The following EPSTI1 variants were observed in gnomAD, a reference collection of about 807,000 sequenced individuals.
The protein encoded by EPSTI1 is epithelial-stromal interaction protein 1.
EPSTI1 carries 66 observed loss-of-function variants against 49.9 expected under a neutral mutation model. The observed-to-expected ratio is 1.32, with a 90% CI of 1.08 to 1.62. The LOEUF is 1.62. Among genes scored for constraint, EPSTI1 ranks in the 40% most tolerant of loss-of-function variants. The probability of loss-of-function intolerance (pLI) is 0.00; values close to 1 mark genes in which losing one functional copy is unlikely to be tolerated. For missense variants in EPSTI1, 394 were observed against 365.5 expected (o/e 1.08, Z -0.64); for synonymous variants, 137 against 130.7 (o/e 1.05, Z -0.33).
chr13:42,976,590 TA>T (rs1452269176), intron 1 of EPSTI1, among the ~76,000 whole-genome samples: 4 of 152,194 alleles, frequency 2.6e-5, no homozygotes, highest in Non-Finnish European at 5.9e-5. Flanking sequence ...TTATTATTAA[TA>T]GACTTAGAAT....
chr13:42,910,130 G>A (rs1324014392), intron 8 of EPSTI1, among the ~76,000 whole-genome samples: 4 of 151,260 alleles, frequency 2.6e-5, no homozygotes, highest in Non-Finnish European at 5.9e-5. Flanking sequence ...ATTTTTTTTA[G>A]TTGTTGAACA....
intron 6 of EPSTI1, among the ~76,000 whole-genome samples, chr13:42,943,551 T>C (rs1412961729): frequency 1.3e-5 from 2 of 152,350 alleles, no homozygotes; most frequent in East Asian, 1.9e-4. Context: ...AAAAATGTTA[T>C]AATTTAAACT....
chr13:42,927,793 G>C (rs556204422), intron 6 of EPSTI1, among the ~76,000 whole-genome samples: 11 of 152,328 alleles, frequency 7.2e-5, no homozygotes, highest in Admixed American at 3.9e-4. Flanking sequence ...GAATAGACAA[G>C]GAGACTAATG....
At chr13:42,906,197 G>C (rs1427024960) in intron 8 of EPSTI1, among the ~76,000 whole-genome samples, 2 of 152,232 alleles carry the variant, frequency 1.3e-5, no homozygotes, top group African/African-American at 4.8e-5. Context: ...GCCATTTCCA[G>C]CAAGAGGTTG....
At position 42,887,893 on chromosome 13, in the gene EPSTI1, G is replaced by A. The variant is rs1337564861; in HGVS notation, c.*601C>T. ...CAACAGTAATGACAGTACTATATTT[G>A]ATCTATACGGCCTGGAAAAGGGAAT... On this transcript the variant is annotated 3_prime_UTR_variant, in exon 11 of 11. Transcript: ENST00000313624. The A allele has an allele frequency of 6.0e-6, 1 of 166,754 alleles. No homozygotes were observed. Among genetic ancestry groups the A allele is most frequent in the Non-Finnish European group, 1.3e-5 (1 of 77,730 alleles). 10.3% of individuals were successfully genotyped at this position (166,754 alleles called of 1,614,324 possible). A position where few individuals can be genotyped will look rare whatever the true frequency, so the allele number is the denominator to read the frequency against.
At chr13:42,948,265 C>A (rs1469984539) in intron 6 of EPSTI1, among the ~76,000 whole-genome samples, 6 of 152,222 alleles carry the variant, frequency 3.9e-5, no homozygotes, top group African/African-American at 1.4e-4. Flanking sequence ...GCATCAAGGC[C>A]TGGGCCCTGC....
chr13:42,916,221 T>G (rs1291951980), intron 8 of EPSTI1, among the ~76,000 whole-genome samples: 1 of 151,872 alleles, frequency 6.6e-6, no homozygotes, highest in Non-Finnish European at 1.5e-5. Context: ...ATTGCCTATT[T>G]GATTGTAGAT....
chr13:42,892,126 G>A (rs2037053626), intron 10 of EPSTI1, among the ~76,000 whole-genome samples: 1 of 152,218 alleles, frequency 6.6e-6, no homozygotes, highest in South Asian at 2.1e-4. Context: ...GGTGTGGCTA[G>A]AGAGAAATGA....
chr13:42,913,323 T>A (rs2037740125), intron 8 of EPSTI1, among the ~76,000 whole-genome samples: 1 of 151,864 alleles, frequency 6.6e-6, no homozygotes, highest in African/African-American at 2.4e-5. Flanking sequence ...CTTTAAACAA[T>A]GACACAGAGA....
intron 1 of EPSTI1, among the ~76,000 whole-genome samples, chr13:42,980,890 A>G (rs2039975534): frequency 6.6e-6 from 1 of 152,210 alleles, no homozygotes; most frequent in Non-Finnish European, 1.5e-5. Context: ...TTATAATCAG[A>G]GAAACATATT....
intron 5 of EPSTI1, among the ~76,000 whole-genome samples, chr13:42,957,890 C>G (rs1054986639): frequency 6.6e-6 from 1 of 152,204 alleles, no homozygotes; most frequent in Non-Finnish European, 1.5e-5. Flanking sequence ...TTTAATTTTA[C>G]ACAGAGCAAA....
intron 1 of EPSTI1, among the ~76,000 whole-genome samples, chr13:42,971,170 TCTC>T (rs1264434629): frequency 2.6e-5 from 4 of 152,116 alleles, no homozygotes; most frequent in African/African-American, 7.2e-5. Context: ...GGTCTCTTCT[TCTC>T]CTAGGGACAC....
chr13:42,948,679 GT>G (rs1251916571), intron 6 of EPSTI1, among the ~76,000 whole-genome samples: 1 of 151,936 alleles, frequency 6.6e-6, no homozygotes, highest in African/African-American at 2.4e-5. Context: ...GTCTCCCTAT[GT>G]TGCCCAAGCT....
intron 8 of EPSTI1, among the ~76,000 whole-genome samples, chr13:42,904,135 TC>T (rs948925269): frequency 1.3e-4 from 20 of 152,122 alleles, no homozygotes; most frequent in African/African-American, 4.8e-4. Flanking sequence ...GAGAAAAATA[TC>T]CAACAATAAT....
chr13:42,957,398 A>C (rs1488281833), intron 5 of EPSTI1, among the ~76,000 whole-genome samples: 1 of 152,148 alleles, frequency 6.6e-6, no homozygotes, highest in Non-Finnish European at 1.5e-5. Context: ...TTAAATGTGG[A>C]ATTTTTCATC....
intron 9 of EPSTI1, among the ~76,000 whole-genome samples, chr13:42,895,447 G>A (rs4942171): frequency 0.51 from 76,899 of 151,810 alleles, 20,099 homozygotes; most frequent in East Asian, 0.79. Context: ...AGGCTGGAGA[G>A]AGAAAGAAGC....
chr13:42,928,963 A>G (rs2038274456), intron 6 of EPSTI1, among the ~76,000 whole-genome samples: 1 of 152,182 alleles, frequency 6.6e-6, no homozygotes, highest in African/African-American at 2.4e-5. Flanking sequence ...AAGGTGGTGG[A>G]GTCTCTATCA....
intron 1 of EPSTI1, among the ~76,000 whole-genome samples, chr13:42,986,560 T>A (rs1181885018): frequency 6.6e-6 from 1 of 151,968 alleles, no homozygotes; most frequent in African/African-American, 2.4e-5. Flanking sequence ...CTGGCCAATA[T>A]GGTGAAACCT....
intron 1 of EPSTI1, among the ~76,000 whole-genome samples, chr13:42,989,742 T>C (rs890058648): frequency 2.6e-5 from 4 of 151,374 alleles, no homozygotes; most frequent in Non-Finnish European, 4.4e-5. Flanking sequence ...TACAGGCGCC[T>C]GCCACCATGC....
Sources: allele counts gnomAD v4.1 joint callset (sites outside exome capture counted in the v4.1 genomes callset), GRCh38; gene constraint gnomAD v4.1.1; transcripts MANE v1.5; gene names NCBI Gene and HGNC (gene_info 2026-07-23, HGNC 2026-07-21).